The following OSCP1 variants were observed in gnomAD, a reference collection of about 807,000 sequenced individuals.
OSCP1 encodes the protein protein OSCP1.
A neutral mutation model predicts 45.1 loss-of-function variants in OSCP1; 35 were observed. The ratio of observed to expected loss-of-function variants is 0.78; its 90% CI spans 0.59 to 1.03. The LOEUF is 1.03. OSCP1 is among the 50% of genes least tolerant of loss of function. The pLI, the probability that OSCP1 is intolerant of heterozygous loss-of-function variation, is 0.00. For missense variants in OSCP1, 400 were observed against 470.7 expected (o/e 0.85, Z 1.39); for synonymous variants, 179 against 180.1 (o/e 0.99, Z 0.05).
At chr1:36,429,242 C>G (rs937799337) in intron 4 of OSCP1, among the ~76,000 whole-genome samples, 1 of 152,066 alleles carries the variant, frequency 6.6e-6, no homozygotes, top group African/African-American at 2.4e-5. Flanking sequence ...AAAAAATTAG[C>G]CAGGCGTGGT....
At chr1:36,432,365 C>T in intron 3 of OSCP1, 57 bp downstream of exon 3, 1 of 1,576,964 alleles carries the variant, frequency 6.3e-7, no homozygotes. Flanking sequence ...CTGTTCTTAA[C>T]AGAGGGATGA....
chr1:36,435,091 CTTTTT>C (rs201268337), intron 2 of OSCP1, among the ~76,000 whole-genome samples: 8,913 of 125,580 alleles, frequency 0.071, 261 homozygotes, highest in Middle Eastern at 0.13. Context: ...TTTTCTTTTT[CTTTTT>C]TTTTTTTTTT....
chr1:36,428,484 G>A (rs1302730679), intron 4 of OSCP1: 3 of 1,609,524 alleles, frequency 1.9e-6, no homozygotes, highest in African/African-American at 1.3e-5. Context: ...CTCTGTATAT[G>A]CACAAACAAA....
intron 4 of OSCP1, among the ~76,000 whole-genome samples, chr1:36,427,412 C>T (rs1435462618): frequency 6.6e-6 from 1 of 151,092 alleles, no homozygotes; most frequent in African/African-American, 2.4e-5. Context: ...ATCCTCCGGC[C>T]TTGGCCTCCC....
At chr1:36,439,036 G>T in intron 1 of OSCP1, 126 bp from the exon 2 acceptor site, 2 of 1,055,478 alleles carry the variant, frequency 1.9e-6, no homozygotes, top group Non-Finnish European at 2.7e-6. Flanking sequence ...TATGCTTGGT[G>T]AGATCAGCTC....
chr1:36,429,560 T>TTTTTTTTTTTTTA (rs71053932), intron 4 of OSCP1, among the ~76,000 whole-genome samples: 1 of 118,510 alleles, frequency 8.4e-6, no homozygotes, highest in African/African-American at 3.3e-5. Context: ...TTTTTTTTTT[T>TTTTTTTTTTTTTA]GAGACATGGT....
chr1:36,438,385 G>C (rs1238211512), intron 2 of OSCP1, among the ~76,000 whole-genome samples: 2 of 151,804 alleles, frequency 1.3e-5, no homozygotes, highest in African/African-American at 2.4e-5. Context: ...AGCTACTTGG[G>C]AGTCTGAGGC....
intron 2 of OSCP1, 109 bp from the exon 3 acceptor site, chr1:36,432,698 G>T: frequency 7.7e-7 from 1 of 1,292,912 alleles, no homozygotes; most frequent in Non-Finnish European, 1.1e-6. Flanking sequence ...CTCTGGGCTT[G>T]CCATACAGCT....
chr1:36,438,668 T>C, intron 2 of OSCP1, 88 bp downstream of exon 2: 1 of 1,458,204 alleles, frequency 6.9e-7, no homozygotes, highest in East Asian at 2.3e-5. Flanking sequence ...GACCATTGCA[T>C]ACATCATCTC....
intron 4 of OSCP1, among the ~76,000 whole-genome samples, chr1:36,430,554 G>C (rs1461448992): frequency 2.0e-5 from 3 of 151,926 alleles, no homozygotes; most frequent in Non-Finnish European, 4.4e-5. Flanking sequence ...AGGATCATTT[G>C]AGCCCAAAAG....
In OSCP1 at chr1:36,450,447, C is replaced by T. The variant is rs576178166; in HGVS notation, c.-78G>A. On this transcript the variant is annotated 5_prime_UTR_variant, in exon 1 of 10. Transcript: ENST00000235532. ...GGCCTGAAGGCCAGGCCGCAGCGTC[C>T]CAATAGTCCGGTTGCTGGGGCAACG... 2 of 1,215,624 alleles carry T rather than the reference C, an allele frequency of 1.6e-6. No homozygotes were observed. Among genetic ancestry groups the T allele is most frequent in the African/African-American group, 1.5e-5 (1 of 66,556 alleles). The allele number at this position is 1,215,624 out of a possible 1,614,324, so 75.3% of individuals were successfully genotyped here.
At chr1:36,435,091 C>CTTTTTTTTTT (rs201268337) in intron 2 of OSCP1, among the ~76,000 whole-genome samples, 24 of 125,730 alleles carry the variant, frequency 1.9e-4, no homozygotes, top group African/African-American at 2.4e-4. Flanking sequence ...TTTTCTTTTT[C>CTTTTTTTTTT]TTTTTTTTTT....
chr1:36,434,998 T>C (rs1648617969), intron 2 of OSCP1, among the ~76,000 whole-genome samples: 6 of 152,014 alleles, frequency 3.9e-5, no homozygotes, highest in Admixed American at 3.9e-4. Context: ...TAGTAACTGG[T>C]AGAGCTAAGG....
intron 7 of OSCP1, 135 bp from the exon 8 acceptor site, chr1:36,420,750 G>T: frequency 7.9e-7 from 1 of 1,271,420 alleles, no homozygotes; most frequent in Non-Finnish European, 1.1e-6. Flanking sequence ...TCCAAATAAA[G>T]TGTAGAAAGC....
chr1:36,420,490 G>A lies in OSCP1; in HGVS notation c.945C>T (p.Thr315=), dbSNP rs755449706. ...EPGFRLNLFT[T]DEEEEQAALT... is the part of the protein sequence containing the mutation. ...TTAAAACATACTCCTCTTCTTCATC[G>A]GTGGTAAAGAGATTCAACCGGAATC... Residue 315 remains threonine, a synonymous_variant, in exon 8 of 10, where the codon ACC becomes ACT. Coordinates refer to ENST00000235532, the MANE Select transcript of OSCP1 (RefSeq NM_145047.5). 134 of 1,613,462 alleles carry A rather than the reference G, an allele frequency of 8.3e-5. No individual in the cohort carries two copies. In the Admixed American group the frequency reaches 1.6e-3, roughly 20 times the overall value.
Position 36,447,904 on chromosome 1 carries a change from T to C in OSCP1, c.112+2354A>G, listed in dbSNP as rs1460881323. The C allele has an allele frequency of 2.2e-6, 1 of 452,984 alleles. No homozygotes were observed. Among genetic ancestry groups the C allele is most frequent in the African/African-American group, 2.0e-5 (1 of 49,984 alleles). 28.1% of individuals were successfully genotyped at this position (452,984 alleles called of 1,614,324 possible). A position where few individuals can be genotyped will look rare whatever the true frequency, so the allele number is the denominator to read the frequency against. On this transcript the variant is annotated intron_variant, in intron 1 of 9. Transcript: ENST00000235532. This position sits in a 1 kb window ranked among gnomAD's most constrained non-coding sequence, Gnocchi z 4.1. ...AGTCAAAATCTGTGGAATGAATGAG[T>C]GTGCGAATGTAAATTACTAAAGATG...
intron 5 of OSCP1, 38 bp from the exon 6 acceptor site, chr1:36,422,934 A>G (rs909251270): frequency 2.0e-6 from 3 of 1,531,686 alleles, no homozygotes; most frequent in African/African-American, 2.8e-5. Context: ...ATGTTCTCCA[A>G]GCTTAGGTAG....
intron 4 of OSCP1, among the ~76,000 whole-genome samples, chr1:36,429,464 C>A (rs1164360673): frequency 2.0e-5 from 3 of 149,650 alleles, no homozygotes; most frequent in Non-Finnish European, 4.4e-5. Flanking sequence ...TTTCCCACAT[C>A]AGTTGGTTAA....
intron 2 of OSCP1, among the ~76,000 whole-genome samples, chr1:36,432,862 C>T (rs1648466211): frequency 6.6e-6 from 1 of 152,076 alleles, no homozygotes; most frequent in South Asian, 2.1e-4. Context: ...TAATGGGATA[C>T]GTCTGAAATA....
Sources: gnomAD v4.1 joint callset for allele counts (sites outside exome capture counted in the v4.1 genomes callset) on GRCh38, gnomAD v4.1.1 for gene constraint, Gnocchi (gnomAD v3.1) non-coding constraint, MANE v1.5 for transcripts, NCBI Gene and HGNC (gene_info 2026-07-23, HGNC 2026-07-21) for gene names.